The following GPC5 variants were observed in gnomAD, a reference collection of about 807,000 sequenced individuals.
The protein encoded by GPC5 is glypican 5, also known as glypican-5.
A neutral mutation model predicts 53.9 loss-of-function variants in GPC5; 47 were observed. That is an observed-to-expected ratio of 0.87 (90% confidence interval 0.69 to 1.11). GPC5 has a LOEUF of 1.11. Among genes scored for constraint, GPC5 ranks in the 50% most tolerant of loss-of-function variants. The pLI is 0.00. For missense variants in GPC5, 748 were observed against 713.1 expected, an observed-to-expected ratio of 1.05 and a Z score of -0.56; for synonymous variants, 286 against 263.3, an observed-to-expected ratio of 1.09 and a Z score of -0.84.
chr13:92,426,093 G>T (rs2139368410), intron 7 of GPC5, among the ~76,000 whole-genome samples: 1 of 152,116 alleles, frequency 6.6e-6, no homozygotes, highest in African/African-American at 2.4e-5. Flanking sequence ...ATTTAGAAAT[G>T]CTTTACTTTG....
Position 92,166,945 on chromosome 13 carries a change from C to CTCTCTCTA in GPC5, c.1561+21963_1561+21964insATCTCTCT, listed in dbSNP as rs1555315966. On this transcript the variant is annotated intron_variant, in intron 7 of 7. Coordinates refer to ENST00000377067, the MANE Select transcript of GPC5 (RefSeq NM_004466.6). ...AGTCTCTCTCTCTCTCTCTCTCTCTCTCTCTCTCTCTCACACACACACACA... is the reference window on the plus strand; with the variant it reads ...AGTCTCTCTCTCTCTCTCTCTCTCTCTCTCTCTATCTCTCTCTCTCACACACACACACA... Among the ~76,000 whole-genome samples the CTCTCTCTA allele has an allele frequency of 7.0e-3, 472 of 67,786 alleles. 3 individuals are homozygous for CTCTCTCTA. The highest frequency in any genetic ancestry group is 0.016 in the African/African-American group (387 of 24,008). The allele number at this position is 67,786 out of a possible 152,430, so 44.5% of individuals were successfully genotyped here.
chr13:91,832,169 A>C (rs1378124820), intron 5 of GPC5, among the ~76,000 whole-genome samples: 1 of 151,912 alleles, frequency 6.6e-6, no homozygotes, highest in African/African-American at 2.4e-5. Context: ...TATATTTAGG[A>C]TAGTTAGCTC....
intron 5 of GPC5, among the ~76,000 whole-genome samples, chr13:91,785,354 C>T (rs1414115264): frequency 2.0e-5 from 3 of 151,118 alleles, no homozygotes; most frequent in Non-Finnish European, 4.4e-5. Flanking sequence ...TAATTCATTC[C>T]CCGATTGTGA....
Position 92,154,862 on chromosome 13 carries a change from T to A in GPC5, c.1561+9873T>A, listed in dbSNP as rs1374097384. Among the ~76,000 whole-genome samples the A allele has an allele frequency of 2.0e-5, 3 of 152,216 alleles. No individual in the cohort carries two copies. The East Asian group carries it at 5.8e-4, about 29-fold the overall frequency. ...AGAAGCATAGGTGATAATTAAAATA[T>A]TTCATAATTTCTCACTTTATTCCAC... On this transcript the variant is annotated intron_variant, in intron 7 of 7. Coordinates refer to ENST00000377067, the MANE Select transcript of GPC5 (RefSeq NM_004466.6).
At chr13:91,702,441 A>G (rs1221388400) in intron 3 of GPC5, among the ~76,000 whole-genome samples, 1 of 152,076 alleles carries the variant, frequency 6.6e-6, no homozygotes, top group Admixed American at 6.6e-5. Context: ...TGTTAGTCCA[A>G]AATTAATTAA....
At chr13:91,571,823 A>ATATATACACACACATACGTGTGTGTG (rs2031821658) in intron 2 of GPC5, among the ~76,000 whole-genome samples, 1 of 68,738 alleles carries the variant, frequency 1.5e-5, no homozygotes, top group South Asian at 4.3e-4. Flanking sequence ...ACGTGTGTGT[A>ATATATACACACACATACGTGTGTGTG]TATATACACA....
chr13:91,921,929 G>A (rs764619133), intron 6 of GPC5, among the ~76,000 whole-genome samples: 2 of 152,084 alleles, frequency 1.3e-5, no homozygotes, highest in Non-Finnish European at 1.5e-5. Flanking sequence ...TGTGATCACA[G>A]CACTGCACTC....
At chr13:92,181,964 GA>G (rs890182521) in intron 7 of GPC5, among the ~76,000 whole-genome samples, 1 of 152,084 alleles carries the variant, frequency 6.6e-6, no homozygotes, top group Non-Finnish European at 1.5e-5. Context: ...TCAAGTGGCA[GA>G]AAAAAAGATG....
chr13:92,385,409 CACATATATATACATATATACATATAT>C (rs2043788301), intron 7 of GPC5, among the ~76,000 whole-genome samples: 2 of 68,546 alleles, frequency 2.9e-5, no homozygotes, highest in African/African-American at 1.1e-4. Flanking sequence ...CACATATATA[CACATATATATACATATATACATATAT>C]ACATATATAC....
At chr13:92,384,993 G>A (rs1314814842) in intron 7 of GPC5, among the ~76,000 whole-genome samples, 4 of 151,976 alleles carry the variant, frequency 2.6e-5, no homozygotes, top group African/African-American at 4.8e-5. Context: ...ATGTAAAGAC[G>A]TAATGACTTG....
intron 7 of GPC5, among the ~76,000 whole-genome samples, chr13:92,158,650 TC>T (rs1272678223): frequency 6.6e-6 from 1 of 152,116 alleles, no homozygotes. Context: ...TTCTTTCACA[TC>T]CCCACTGCTA....
intron 2 of GPC5, among the ~76,000 whole-genome samples, chr13:91,673,157 G>C (rs1594410655): frequency 6.6e-6 from 1 of 152,012 alleles, no homozygotes; most frequent in Non-Finnish European, 1.5e-5. Flanking sequence ...GCATATACCT[G>C]TGTAACAAAC....
intron 7 of GPC5, among the ~76,000 whole-genome samples, chr13:92,814,373 T>G (rs933985836): frequency 1.3e-5 from 2 of 151,826 alleles, no homozygotes; most frequent in African/African-American, 4.9e-5. Context: ...AAAAATAAAC[T>G]TCATCGGCTG....
chr13:92,545,096 T>A (rs554543207), intron 7 of GPC5, among the ~76,000 whole-genome samples: 1 of 150,242 alleles, frequency 6.7e-6, no homozygotes, highest in Non-Finnish European at 1.5e-5. Context: ...CAGGCCCCGG[T>A]GTGTGATGTT....
intron 7 of GPC5, among the ~76,000 whole-genome samples, chr13:92,150,281 A>T (rs532973672): frequency 1.4e-5 from 2 of 143,008 alleles, no homozygotes; most frequent in South Asian, 2.1e-4. Flanking sequence ...TGCATGATAA[A>T]ACCATAGAAA....
At chr13:92,255,147 G>A (rs538634819) in intron 7 of GPC5, among the ~76,000 whole-genome samples, 4 of 152,230 alleles carry the variant, frequency 2.6e-5, no homozygotes, top group Admixed American at 6.5e-5. Flanking sequence ...GAGCATCCAC[G>A]GATTTTGATA....
intron 3 of GPC5, among the ~76,000 whole-genome samples, chr13:91,707,377 CT>C (rs2036129488): frequency 6.6e-6 from 1 of 152,132 alleles, no homozygotes; most frequent in Non-Finnish European, 1.5e-5. Context: ...AATCCCAGTG[CT>C]TTGGGAGGCC....
At chr13:92,165,856 A>T (rs910522632) in intron 7 of GPC5, among the ~76,000 whole-genome samples, 1 of 152,220 alleles carries the variant, frequency 6.6e-6, no homozygotes, top group Non-Finnish European at 1.5e-5. Context: ...ATGATAGGTA[A>T]TATTGCCAAT....
chr13:92,523,361 A>T (rs1881143352), intron 7 of GPC5, among the ~76,000 whole-genome samples: 2 of 152,248 alleles, frequency 1.3e-5, no homozygotes, highest in African/African-American at 4.8e-5. Flanking sequence ...GAACATAGTT[A>T]CTTAATCTAT....
Sources: allele counts gnomAD v4.1 joint callset (sites outside exome capture counted in the v4.1 genomes callset), GRCh38; gene constraint gnomAD v4.1.1; transcripts MANE v1.5; gene names NCBI Gene and HGNC (gene_info 2026-07-23, HGNC 2026-07-21).